Variants in MALRD1 observed in about 807,000 individuals in gnomAD.
The protein encoded by MALRD1 is MAM and LDL receptor class A domain containing 1.
MALRD1 carries 247 observed loss-of-function variants against 242.1 expected under a neutral mutation model. The ratio of observed to expected loss-of-function variants is 1.02; its 90% CI spans 0.92 to 1.13. The LOEUF is 1.13. Ranked by LOEUF, MALRD1 falls within the 50% of genes most tolerant of loss-of-function variation. The probability of loss-of-function intolerance (pLI) is 0.00; values close to 1 mark genes in which losing one functional copy is unlikely to be tolerated. For missense variants in MALRD1, 2,989 were observed against 2,533.1 expected (o/e 1.18, Z -3.86); for synonymous variants, 995 against 866.6 (o/e 1.15, Z -2.60).
At chr10:19,584,530 C>T (rs530903492) in intron 33 of MALRD1, among the ~76,000 whole-genome samples, 47 of 152,172 alleles carry the variant, frequency 3.1e-4, no homozygotes, top group African/African-American at 7.0e-4. Flanking sequence ...TGTAGTTGAG[C>T]GGTTTTGAGT....
intron 33 of MALRD1, among the ~76,000 whole-genome samples, chr10:19,592,735 A>G (rs1164864788): frequency 1.4e-5 from 1 of 73,630 alleles, no homozygotes; most frequent in South Asian, 5.4e-4. Flanking sequence ...AAAGACACAC[A>G]CACACACACA....
chr10:19,235,578 CAGAGAG>C (rs34117417), intron 18 of MALRD1, among the ~76,000 whole-genome samples: 1,480 of 132,450 alleles, frequency 0.011, 31 homozygotes, highest in African/African-American at 0.034. Context: ...CCCACACCCA[CAGAGAG>C]AGAGAGAGAG....
intron 36 of MALRD1, among the ~76,000 whole-genome samples, chr10:19,644,057 A>G (rs905988162): frequency 6.6e-6 from 1 of 152,116 alleles, no homozygotes; most frequent in Non-Finnish European, 1.5e-5. Context: ...TTTTACTGCT[A>G]CTTGACCTAA....
chr10:19,513,909 G>GA (rs1248921322), intron 31 of MALRD1, among the ~76,000 whole-genome samples: 2 of 152,036 alleles, frequency 1.3e-5, no homozygotes, highest in Non-Finnish European at 2.9e-5. Context: ...TAGATATTGG[G>GA]TTAGCAATTT....
At chr10:19,442,731 T>C (rs1834736921) in intron 28 of MALRD1, among the ~76,000 whole-genome samples, 1 of 152,226 alleles carries the variant, frequency 6.6e-6, no homozygotes, top group Admixed American at 6.5e-5. Context: ...CAGTATTTTA[T>C]TGAGGATTTT....
chr10:19,356,935 C>A (rs1007282262), intron 26 of MALRD1, among the ~76,000 whole-genome samples: 1 of 151,878 alleles, frequency 6.6e-6, no homozygotes, highest in East Asian at 1.9e-4. Flanking sequence ...ATGGCAAAAC[C>A]CCATCTCTAC....
chr10:19,130,530 T>G (rs946801859), intron 8 of MALRD1, among the ~76,000 whole-genome samples: 13 of 152,168 alleles, frequency 8.5e-5, no homozygotes, highest in Non-Finnish European at 1.9e-4. Context: ...TGAATGAATT[T>G]TTAGCCTAAA....
chr10:19,209,314 A>G lies in MALRD1; in HGVS notation c.2625A>G (p.Glu875=), dbSNP rs1016662094. The change falls in exon 18 of 40, where the codon GAA becomes GAG. Residue 875 remains glutamate (E), a synonymous_variant. Transcript: ENST00000454679. ...CNFETGICNW[E]QDAKDDFDWT... is the part of the protein sequence containing the mutation. ...TTGAAACTGGAATCTGTAACTGGGA[A>G]CAAGATGCAAAAGATGACTTTGATT... is the stretch of plus-strand genomic sequence containing the variant. 1.0e-5 allele frequency: 16 copies of G among 1,548,894 alleles called. No homozygotes were observed. The highest frequency in any genetic ancestry group is 3.9e-5 in the Admixed American group (2 of 50,672).
intron 36 of MALRD1, among the ~76,000 whole-genome samples, chr10:19,620,706 C>G (rs551003692): frequency 6.6e-6 from 1 of 151,930 alleles, no homozygotes; most frequent in Non-Finnish European, 1.5e-5. Flanking sequence ...CATGACCCAT[C>G]CCTAATGTAT....
chr10:19,180,215 C>T (rs929641233), intron 14 of MALRD1, among the ~76,000 whole-genome samples: 1 of 152,098 alleles, frequency 6.6e-6, no homozygotes, highest in African/African-American at 2.4e-5. Context: ...AGACTCTTTC[C>T]TCTGCATTCA....
At chr10:19,224,716 T>G (rs1837714333) in intron 18 of MALRD1, among the ~76,000 whole-genome samples, 1 of 152,228 alleles carries the variant, frequency 6.6e-6, no homozygotes, top group African/African-American at 2.4e-5. Flanking sequence ...TTTAAGTTCC[T>G]TGTAGATTCT....
intron 29 of MALRD1, among the ~76,000 whole-genome samples, chr10:19,451,704 T>C (rs1428174376): frequency 1.3e-5 from 2 of 152,190 alleles, no homozygotes; most frequent in Non-Finnish European, 2.9e-5. Flanking sequence ...CTTTGGTTTT[T>C]TTGTAGTGTT....
chr10:19,445,867 T>C (rs902838781), intron 28 of MALRD1, among the ~76,000 whole-genome samples: 2 of 152,218 alleles, frequency 1.3e-5, no homozygotes, highest in Non-Finnish European at 2.9e-5. Context: ...TTCTGCTGCC[T>C]TTTGTTCAGC....
At chr10:19,465,377 C>T (rs1236012169) in intron 29 of MALRD1, among the ~76,000 whole-genome samples, 1 of 152,026 alleles carries the variant, frequency 6.6e-6, no homozygotes, top group Non-Finnish European at 1.5e-5. Flanking sequence ...AAGGTAATTT[C>T]TGAGCTTAAA....
chr10:19,677,704 G>T (rs956899886), intron 36 of MALRD1, among the ~76,000 whole-genome samples: 1 of 152,108 alleles, frequency 6.6e-6, no homozygotes, highest in Non-Finnish European at 1.5e-5. Context: ...TGCTTTTGTG[G>T]CAACTGCTGT....
intron 28 of MALRD1, among the ~76,000 whole-genome samples, chr10:19,407,037 A>G (rs1383020802): frequency 3.9e-5 from 6 of 152,154 alleles, no homozygotes; most frequent in Non-Finnish European, 8.8e-5. Context: ...TTCCTGATGA[A>G]TTCCAACTCT....
chr10:19,504,616 GACAC>G (rs1237898959), intron 31 of MALRD1, among the ~76,000 whole-genome samples: 2 of 143,520 alleles, frequency 1.4e-5, no homozygotes, highest in Admixed American at 1.4e-4. Flanking sequence ...CTCATACACA[GACAC>G]ACACACACAT....
At chr10:19,427,540 C>G (rs1437800805) in intron 28 of MALRD1, among the ~76,000 whole-genome samples, 2 of 152,106 alleles carry the variant, frequency 1.3e-5, no homozygotes, top group Non-Finnish European at 2.9e-5. Context: ...CTCTCTAGTT[C>G]CTAGTAGTGG....
At chr10:19,537,626 G>A (rs1274629490) in intron 32 of MALRD1, among the ~76,000 whole-genome samples, 1 of 152,174 alleles carries the variant, frequency 6.6e-6, no homozygotes, top group Non-Finnish European at 1.5e-5. Context: ...CAGAAGATGA[G>A]TAATTACTTA....
Sources: gnomAD v4.1 joint callset for allele counts (sites outside exome capture counted in the v4.1 genomes callset) on GRCh38, gnomAD v4.1.1 for gene constraint, MANE v1.5 for transcripts, NCBI Gene and HGNC (gene_info 2026-07-23, HGNC 2026-07-21) for gene names.